The following GPC5 variants were observed in gnomAD, a reference collection of about 807,000 sequenced individuals.
The protein encoded by GPC5 is glypican 5.
Under a neutral mutation model 53.9 loss-of-function variants are expected in GPC5, and 47 were observed. The observed-to-expected ratio is 0.87, with a 90% confidence interval of 0.69 to 1.11. The LOEUF is 1.11. GPC5 is among the 50% of genes most tolerant of loss of function. GPC5 has a pLI of 0.00. For missense variants in GPC5, 748 were observed against 713.1 expected (o/e 1.05, Z -0.56); for synonymous variants, 286 against 263.3 (o/e 1.09, Z -0.84).
intron 7 of GPC5, among the ~76,000 whole-genome samples, chr13:92,573,300 T>C (rs1376639393): frequency 1.3e-5 from 2 of 152,226 alleles, no homozygotes; most frequent in African/African-American, 2.4e-5. Flanking sequence ...AATAGGTTCA[T>C]GAATCTAAAC....
chr13:91,833,516 C>T (rs1594604782), intron 5 of GPC5, among the ~76,000 whole-genome samples: 1 of 152,154 alleles, frequency 6.6e-6, no homozygotes. Flanking sequence ...TACTGGCAAA[C>T]CAAATCCAGC....
At chr13:92,104,999 T>C (rs2041497689) in intron 6 of GPC5, among the ~76,000 whole-genome samples, 1 of 152,166 alleles carries the variant, frequency 6.6e-6, no homozygotes, top group Non-Finnish European at 1.5e-5. Context: ...TTCATATTTT[T>C]ATAGACCTCA....
At chr13:92,828,484 A>G (rs1395393318) in intron 7 of GPC5, among the ~76,000 whole-genome samples, 2 of 152,166 alleles carry the variant, frequency 1.3e-5, no homozygotes, top group African/African-American at 4.8e-5. Context: ...TATGCAAAAC[A>G]TCTGGCTGGC....
intron 7 of GPC5, among the ~76,000 whole-genome samples, chr13:92,192,672 G>C (rs9523531): frequency 6.6e-6 from 1 of 151,866 alleles, no homozygotes; most frequent in South Asian, 2.1e-4. Flanking sequence ...ATTAATTTTA[G>C]CTGACAAGGG....
At chr13:92,080,244 A>G (rs1317958984) in intron 6 of GPC5, among the ~76,000 whole-genome samples, 1 of 151,328 alleles carries the variant, frequency 6.6e-6, no homozygotes, top group Non-Finnish European at 1.5e-5. Flanking sequence ...CTCTCATTCT[A>G]TTTTCTCTCC....
intron 5 of GPC5, among the ~76,000 whole-genome samples, chr13:91,876,932 G>A (rs2039208987): frequency 6.6e-6 from 1 of 152,192 alleles, no homozygotes; most frequent in Admixed American, 6.5e-5. Context: ...AGGACTTGGT[G>A]CCCTGTGTCT....
rs189953432 is a variant in GPC5, at chr13:91,973,086, C to T, written c.1401+65029C>T. ...TTTTCCAACTTGGTTCCATTCTCCC[C>T]GTCACTTTCAGGTACACCAATCAGA... On this transcript the variant is annotated intron_variant, in intron 6 of 7. Transcript: ENST00000377067. Among the ~76,000 whole-genome samples the T allele has an allele frequency of 2.2e-3, 329 of 152,236 alleles. 2 individuals carry two copies. Among genetic ancestry groups the T allele is most frequent in the East Asian group, 0.011 (58 of 5,180 alleles).
At chr13:92,271,223 A>G (rs2042837716) in intron 7 of GPC5, among the ~76,000 whole-genome samples, 1 of 152,216 alleles carries the variant, frequency 6.6e-6, no homozygotes. Context: ...GCCATCTACT[A>G]TGCCTTGCCA....
chr13:91,934,515 T>C (rs1024063474), intron 6 of GPC5, among the ~76,000 whole-genome samples: 4 of 151,934 alleles, frequency 2.6e-5, no homozygotes, highest in African/African-American at 7.2e-5. Flanking sequence ...AAAATAGGAA[T>C]ACTTCATTTT....
chr13:92,742,119 C>A (rs530364485), intron 7 of GPC5, among the ~76,000 whole-genome samples: 1 of 151,562 alleles, frequency 6.6e-6, no homozygotes, highest in South Asian at 2.1e-4. Context: ...ATGGCTGGGT[C>A]AAATGGTATT....
chr13:91,479,112 C>T (rs1243535012), intron 2 of GPC5, among the ~76,000 whole-genome samples: 3 of 151,144 alleles, frequency 2.0e-5, no homozygotes, highest in Non-Finnish European at 2.9e-5. Flanking sequence ...GGGGTTTCAC[C>T]GTGTTGCCCA....
At chr13:91,797,399 A>G (rs2038063853) in intron 5 of GPC5, among the ~76,000 whole-genome samples, 1 of 152,146 alleles carries the variant, frequency 6.6e-6, no homozygotes, top group Admixed American at 6.5e-5. Context: ...AAAAATTAAT[A>G]TAGAGAACAC....
chr13:91,655,518 T>TTAATCATATA (rs2034824152), intron 2 of GPC5, among the ~76,000 whole-genome samples: 3 of 152,026 alleles, frequency 2.0e-5, no homozygotes, highest in South Asian at 4.1e-4. Flanking sequence ...CAAAAGGCAT[T>TTAATCATATA]TAATCATATA....
chr13:91,749,539 CA>C (rs2037124452), intron 4 of GPC5, among the ~76,000 whole-genome samples: 1 of 151,982 alleles, frequency 6.6e-6, no homozygotes, highest in South Asian at 2.1e-4. Flanking sequence ...GGGTAAATAC[CA>C]AATAGTGGAA....
intron 2 of GPC5, among the ~76,000 whole-genome samples, chr13:91,627,729 T>A (rs1238879883): frequency 1.3e-5 from 2 of 152,138 alleles, no homozygotes; most frequent in Non-Finnish European, 2.9e-5. Context: ...CATTGAAGTT[T>A]TGTAAGATGT....
At chr13:92,572,233 T>C (rs1261298966) in intron 7 of GPC5, among the ~76,000 whole-genome samples, 2 of 152,190 alleles carry the variant, frequency 1.3e-5, no homozygotes, top group Admixed American at 1.3e-4. Context: ...TGGTCCGAGT[T>C]GACTAAATAA....
chr13:92,633,155 A>G (rs1362758529), intron 7 of GPC5, among the ~76,000 whole-genome samples: 6 of 152,136 alleles, frequency 3.9e-5, no homozygotes, highest in Admixed American at 1.3e-4. Flanking sequence ...GGCCTCCCAA[A>G]GTGCTGGGAT....
At chr13:91,907,507 A>G (rs1478829072) in intron 5 of GPC5, among the ~76,000 whole-genome samples, 7 of 144,058 alleles carry the variant, frequency 4.9e-5, no homozygotes, top group Non-Finnish European at 1.1e-4. Flanking sequence ...CTCTCTTTAT[A>G]TATATATATA....
chr13:91,914,878 A>C (rs2039643999), intron 6 of GPC5, among the ~76,000 whole-genome samples: 1 of 152,284 alleles, frequency 6.6e-6, no homozygotes, highest in Non-Finnish European at 1.5e-5. Flanking sequence ...CTATAAAACA[A>C]ATTTTATAAA....
Sources: allele counts gnomAD v4.1 joint callset (sites outside exome capture counted in the v4.1 genomes callset), GRCh38; gene constraint gnomAD v4.1.1; transcripts MANE v1.5; gene names NCBI Gene and HGNC (gene_info 2026-07-23, HGNC 2026-07-21).